CHCHD6: variants seen among roughly 807,000 people sequenced by gnomAD.
CHCHD6 encodes the protein MICOS complex subunit MIC25.
CHCHD6 carries 28 observed loss-of-function variants against 32.3 expected under a neutral mutation model. The ratio of observed to expected loss-of-function variants is 0.87; its 90% confidence interval spans 0.64 to 1.19. The LOEUF (loss-of-function observed/expected upper bound fraction) is 1.19, where lower values mean the gene tolerates loss of function less well. Ranked by LOEUF, CHCHD6 falls within the 50% of genes most tolerant of loss-of-function variation. The pLI is 0.00. For synonymous variants in CHCHD6, 122 were observed against 117.5 expected, an observed-to-expected ratio of 1.04 and a Z score of -0.25; for missense variants, 333 against 307.0, an observed-to-expected ratio of 1.08 and a Z score of -0.63.
intron 4 of CHCHD6, among the ~76,000 whole-genome samples, chr3:126,834,129 A>G (rs1057234730): frequency 1.3e-5 from 2 of 151,976 alleles, no homozygotes; most frequent in Non-Finnish European, 2.9e-5. Context: ...GAAATAATCA[A>G]TGTATCTTGA....
chr3:126,951,000 A>G (rs945401013), intron 6 of CHCHD6, among the ~76,000 whole-genome samples: 2 of 152,218 alleles, frequency 1.3e-5, no homozygotes, highest in African/African-American at 4.8e-5. Flanking sequence ...CTTGTCACAG[A>G]TGAAATTGAT....
intron 5 of CHCHD6, among the ~76,000 whole-genome samples, chr3:126,868,889 A>G (rs1215360387): frequency 1.3e-5 from 2 of 152,194 alleles, no homozygotes; most frequent in Non-Finnish European, 2.9e-5. Flanking sequence ...GACCCTGCAC[A>G]TCATAAGGCT....
chr3:126,758,078 C>T (rs1937028475), intron 4 of CHCHD6, among the ~76,000 whole-genome samples: 1 of 152,200 alleles, frequency 6.6e-6, no homozygotes, highest in Non-Finnish European at 1.5e-5. Flanking sequence ...CCCTCTGTGG[C>T]CCGATGATAA....
chr3:126,859,184 CG>C (rs1941769060), intron 5 of CHCHD6, among the ~76,000 whole-genome samples: 1 of 151,804 alleles, frequency 6.6e-6, no homozygotes, highest in Admixed American at 6.6e-5. Context: ...AGTGACGCAG[CG>C]GGGTTCCAGA....
intron 5 of CHCHD6, among the ~76,000 whole-genome samples, chr3:126,895,599 T>C (rs1162720745): frequency 6.6e-6 from 1 of 152,184 alleles, no homozygotes; most frequent in Admixed American, 6.5e-5. Context: ...AAACACCCAT[T>C]ATTTGGAGAG....
intron 6 of CHCHD6, chr3:126,949,410 G>T (rs2078682916): frequency 4.3e-6 from 1 of 231,804 alleles, no homozygotes; most frequent in Non-Finnish European, 8.6e-6. Context: ...TGCACCAACA[G>T]GTCTGCCGTG....
At chr3:126,746,829 C>G (rs1936524139) in intron 4 of CHCHD6, among the ~76,000 whole-genome samples, 1 of 152,106 alleles carries the variant, frequency 6.6e-6, no homozygotes, top group African/African-American at 2.4e-5. Context: ...TTTCCTTTCC[C>G]CTTCTTGATT....
chr3:126,934,558 T>G, intron 6 of CHCHD6, among the ~76,000 whole-genome samples: 1 of 134,616 alleles, frequency 7.4e-6, no homozygotes, highest in South Asian at 2.5e-4. Context: ...TTTTTTTTTT[T>G]TTTTTTTTGA....
intron 5 of CHCHD6, among the ~76,000 whole-genome samples, chr3:126,899,885 G>A (rs866971791): frequency 1.1e-4 from 17 of 152,346 alleles, no homozygotes; most frequent in Middle Eastern, 6.8e-3. Flanking sequence ...GATTTGTACA[G>A]CACCACTGGA....
At chr3:126,816,496 G>A (rs116335870) in intron 4 of CHCHD6, among the ~76,000 whole-genome samples, 4,494 of 152,228 alleles carry the variant, frequency 0.03, 102 homozygotes, top group Non-Finnish European at 0.039. Context: ...CCAGGAAAGC[G>A]TCCCTTCAGG....
At chr3:126,727,021 G>T in intron 1 of CHCHD6, 57 bp from the exon 2 acceptor site, 1 of 1,234,196 alleles carries the variant, frequency 8.1e-7, no homozygotes, top group South Asian at 1.2e-5. Context: ...AGGAGGCTTT[G>T]CTTCCAGGCA....
At chr3:126,860,399 A>C (rs1941816628) in intron 5 of CHCHD6, among the ~76,000 whole-genome samples, 1 of 151,998 alleles carries the variant, frequency 6.6e-6, no homozygotes, top group African/African-American at 2.4e-5. Context: ...TGACAATGAG[A>C]ACACTTGGAC....
chr3:126,882,575 AC>A (rs2077625348), intron 5 of CHCHD6, among the ~76,000 whole-genome samples: 1 of 152,078 alleles, frequency 6.6e-6, no homozygotes, highest in Non-Finnish European at 1.5e-5. Context: ...TTCATTTAAC[AC>A]CTGTTATCGC....
chr3:126,861,801 C>CTCCTCCACCATCACCACCTCCCCT, intron 5 of CHCHD6, among the ~76,000 whole-genome samples: 1 of 126,132 alleles, frequency 7.9e-6, no homozygotes, highest in Non-Finnish European at 1.7e-5. Flanking sequence ...CCACCTCCCC[C>CTCCTCCACCATCACCACCTCCCCT]TCCTCCACCA....
chr3:126,825,984 T>C (rs1940376684), intron 4 of CHCHD6, among the ~76,000 whole-genome samples: 1 of 152,254 alleles, frequency 6.6e-6, no homozygotes, highest in Non-Finnish European at 1.5e-5. Context: ...AAATTTTTTG[T>C]AGTGTTCTAT....
chr3:126,776,551 T>G (rs1424080647), intron 4 of CHCHD6, among the ~76,000 whole-genome samples: 1 of 152,220 alleles, frequency 6.6e-6, no homozygotes. Flanking sequence ...TCCTAAGGAT[T>G]GGGACCATGT....
At chr3:126,904,046 T>A (rs909817884) in intron 5 of CHCHD6, among the ~76,000 whole-genome samples, 1 of 152,236 alleles carries the variant, frequency 6.6e-6, no homozygotes, top group African/African-American at 2.4e-5. Context: ...TCTTTTGCCT[T>A]TAACTGTTGA....
chr3:126,738,631 G>A (rs1319808402), intron 4 of CHCHD6, among the ~76,000 whole-genome samples: 1 of 152,104 alleles, frequency 6.6e-6, no homozygotes, highest in African/African-American at 2.4e-5. Flanking sequence ...GTGGGTGAGG[G>A]TTTGGATGTG....
intron 5 of CHCHD6, among the ~76,000 whole-genome samples, chr3:126,902,978 G>T (rs58227566): frequency 0.031 from 4,703 of 152,258 alleles, 156 homozygotes; most frequent in East Asian, 0.15. Context: ...CAGAGATTAA[G>T]TCAAGAGTCG....
Sources: gnomAD v4.1 joint callset for allele counts (sites outside exome capture counted in the v4.1 genomes callset) on GRCh38, gnomAD v4.1.1 for gene constraint, MANE v1.5 for transcripts, NCBI Gene and HGNC (gene_info 2026-07-23, HGNC 2026-07-21) for gene names.